USP6NL: variants seen among roughly 807,000 people sequenced by gnomAD.
USP6NL encodes the protein USP6 N-terminal-like protein.
Under a neutral mutation model 61.9 loss-of-function variants are expected in USP6NL, and 26 were observed. That is an observed-to-expected ratio of 0.42 (90% CI 0.31 to 0.58). The LOEUF is 0.58. USP6NL is among the 20% of genes least tolerant of loss of function. The pLI is 0.16. For synonymous variants in USP6NL, 432 were observed against 390.1 expected (o/e 1.11, Z -1.27); for missense variants, 1,114 against 1,034.3 (o/e 1.08, Z -1.06).
intron 2 of USP6NL, among the ~76,000 whole-genome samples, chr10:11,546,581 T>C (rs960669148): frequency 5.3e-5 from 8 of 152,068 alleles, no homozygotes; most frequent in African/African-American, 1.9e-4. Context: ...GTTGTTGTTG[T>C]TGTTGTTGTT....
At position 11,463,677 on chromosome 10, in the gene USP6NL, G is replaced by T. The variant is rs778474845; in HGVS notation, c.1251C>A (p.His417Gln). Residue 417 changes from histidine to glutamine, a missense_variant, in exon 15 of 15, where the codon CAC becomes CAA. Transcript: ENST00000609104. The surrounding 1 kb of genome is among the most constrained non-coding windows in gnomAD (Gnocchi z 6.3). ...CGGGCGTCCCGGTCCTGCTCTGGGGGTGCGGGGAGTGCTCGTGCCTCCTGT... is the reference window on the plus strand; with the variant it reads ...CGGGCGTCCCGGTCCTGCTCTGGGGTTGCGGGGAGTGCTCGTGCCTCCTGT... Reference protein sequence around the residue: ...APHRRHEHSPHPQSRTGTPER... With the variant: ...APHRRHEHSPQPQSRTGTPER... 7 of 1,613,748 alleles carry T rather than the reference G, an allele frequency of 4.3e-6. No individual in the cohort carries two copies. Among genetic ancestry groups the T allele is most frequent in the Non-Finnish European group, 5.1e-6 (6 of 1,179,830 alleles).
At chr10:11,554,135 A>G in intron 2 of USP6NL, among the ~76,000 whole-genome samples, 1 of 152,176 alleles carries the variant, frequency 6.6e-6, no homozygotes, top group East Asian at 1.9e-4. Context: ...AGAAGGAGTG[A>G]AGGAAGGTGG....
chr10:11,545,360 A>ACTT (rs1836233759), intron 2 of USP6NL, among the ~76,000 whole-genome samples: 2 of 152,154 alleles, frequency 1.3e-5, no homozygotes, highest in South Asian at 4.1e-4. Context: ...AAGAGCTAAT[A>ACTT]CTTCTCTCCT....
At chr10:11,588,132 T>C (rs1838038967) in intron 2 of USP6NL, among the ~76,000 whole-genome samples, 1 of 152,238 alleles carries the variant, frequency 6.6e-6, no homozygotes, top group Non-Finnish European at 1.5e-5. Flanking sequence ...ACAGCTGGTC[T>C]GTTGTCTTCA....
Position 11,499,824 on chromosome 10 carries a change from C to T in USP6NL, c.384+1277G>A, listed in dbSNP as rs1834099662. On this transcript the variant is annotated intron_variant, in intron 7 of 14. Coordinates refer to ENST00000609104, the MANE Select transcript of USP6NL (RefSeq NM_014688.5). The surrounding 1 kb of genome is among the most constrained non-coding windows in gnomAD (Gnocchi z 4.5). Reference sequence around the variant, plus strand: ...GAGAGAGAGTTCTGTTGTTTTGAGCCGCTTAGTTTGTGGTACTTGGTTACA... The same window carrying T: ...GAGAGAGAGTTCTGTTGTTTTGAGCTGCTTAGTTTGTGGTACTTGGTTACA... Among the ~76,000 whole-genome samples, 1 of 152,090 alleles carries T rather than the reference C, an allele frequency of 6.6e-6. No homozygotes were observed. The highest frequency in any genetic ancestry group is 6.6e-5 in the Admixed American group (1 of 15,266).
rs1473456218 is a variant in USP6NL, at chr10:11,495,371, A to G, written c.385-2143T>C. Among the ~76,000 whole-genome samples the G allele has an allele frequency of 1.3e-5, 2 of 152,196 alleles. No individual in the cohort carries two copies. Among genetic ancestry groups the G allele is most frequent in the Non-Finnish European group, 2.9e-5 (2 of 68,034 alleles). On this transcript the variant is annotated intron_variant, in intron 7 of 14. Coordinates refer to ENST00000609104, the MANE Select transcript of USP6NL (RefSeq NM_014688.5). This position sits in a 1 kb window ranked among gnomAD's most constrained non-coding sequence, Gnocchi z 4.6. ...AACTATTCTTGTTTTATATTTTATT[A>G]TACTGGAACAGCTCGTGTCCTCGGT...
intron 2 of USP6NL, among the ~76,000 whole-genome samples, chr10:11,578,645 T>G (rs1837637965): frequency 6.6e-6 from 1 of 152,210 alleles, no homozygotes; most frequent in South Asian, 2.1e-4. Flanking sequence ...TTTAAAATTT[T>G]TAAAGAATTC....
chr10:11,497,128 G>A (rs570023590), intron 7 of USP6NL, among the ~76,000 whole-genome samples: 2 of 146,952 alleles, frequency 1.4e-5, no homozygotes, highest in South Asian at 2.1e-4. Context: ...TAATGGGCAA[G>A]GCCGGGCACA....
intron 2 of USP6NL, among the ~76,000 whole-genome samples, chr10:11,584,044 A>C (rs1414745566): frequency 6.6e-6 from 1 of 152,002 alleles, no homozygotes; most frequent in African/African-American, 2.4e-5. Context: ...AAGAAAAGGA[A>C]AAAAAGGCAT....
chr10:11,581,434 C>G (rs1352533030), intron 2 of USP6NL, among the ~76,000 whole-genome samples: 1 of 152,238 alleles, frequency 6.6e-6, no homozygotes, highest in Non-Finnish European at 1.5e-5. Context: ...CGAATAACAA[C>G]CCAGCATCTT....
chr10:11,526,611 T>A (rs1835431025), intron 3 of USP6NL, among the ~76,000 whole-genome samples: 1 of 152,238 alleles, frequency 6.6e-6, no homozygotes, highest in Non-Finnish European at 1.5e-5. Context: ...AAGCTGAGCA[T>A]CACCTGTATG....
intron 2 of USP6NL, among the ~76,000 whole-genome samples, chr10:11,573,214 C>T (rs549846892): frequency 1.3e-5 from 2 of 152,198 alleles, no homozygotes; most frequent in South Asian, 4.2e-4. Flanking sequence ...CAGGCAGAAT[C>T]CTAGCTTGTT....
Position 11,499,183 on chromosome 10 carries a change from G to C in USP6NL, c.384+1918C>G, listed in dbSNP as rs988698567. On this transcript the variant is annotated intron_variant, in intron 7 of 14. Transcript: ENST00000609104. The surrounding 1 kb of genome is among the most constrained non-coding windows in gnomAD (Gnocchi z 4.5). ...TTCGTGGAGGATGTGTGGAGAGAGA[G>C]AGAAAGAGTGGATGAGAAAGGAAAA... 6.6e-6 allele frequency among the ~76,000 whole-genome samples: 1 copy of C among 152,178 alleles called. No individual in the cohort carries two copies. Among genetic ancestry groups the C allele is most frequent in the Non-Finnish European group, 1.5e-5 (1 of 68,032 alleles).
chr10:11,597,558 GT>G lies in USP6NL; in HGVS notation c.4+72del. On this transcript the variant is annotated intron_variant, in intron 2 of 14. Coordinates refer to ENST00000609104, the MANE Select transcript of USP6NL (RefSeq NM_014688.5). This position sits in a 1 kb window ranked among gnomAD's most constrained non-coding sequence, Gnocchi z 4.6. ...ATAATTCCAATTTATTCAGTAACAT[GT>G]TTTTCTTCTCCTAAGCACAATACAG... The G allele has an allele frequency of 6.8e-7, 1 of 1,470,804 alleles. No homozygotes were observed. The highest frequency in any genetic ancestry group is 9.3e-7 in the Non-Finnish European group (1 of 1,073,524). The allele number at this position is 1,470,804 out of a possible 1,614,324, so 91.1% of individuals were successfully genotyped here. A position where few individuals can be genotyped will look rare whatever the true frequency, so the allele number is the denominator to read the frequency against.
intron 1 of USP6NL, among the ~76,000 whole-genome samples, chr10:11,608,650 TC>T (rs1389853881): frequency 1.3e-5 from 2 of 152,128 alleles, no homozygotes; most frequent in African/African-American, 4.8e-5. Context: ...GTTTTATAGC[TC>T]CCTGTACTTC....
Position 11,495,253 on chromosome 10 carries a change from GGATT to G in USP6NL, c.385-2029_385-2026del, listed in dbSNP as rs1330330423. Among the ~76,000 whole-genome samples the G allele has an allele frequency of 6.6e-6, 1 of 152,052 alleles. No individual in the cohort carries two copies. ...TTCCTAGGTTATGATTATAGAGCGA[GGATT>G]ATTATAATATTGGAATATAGAGTAA... On this transcript the variant is annotated intron_variant, in intron 7 of 14. Coordinates refer to ENST00000609104, the MANE Select transcript of USP6NL (RefSeq NM_014688.5). This position sits in a 1 kb window ranked among gnomAD's most constrained non-coding sequence, Gnocchi z 4.6.
At position 11,485,993 on chromosome 10, in the gene USP6NL, G is replaced by A. The variant is rs1833451580; in HGVS notation, c.665-82C>T. On this transcript the variant is annotated intron_variant, in intron 10 of 14. Coordinates refer to ENST00000609104, the MANE Select transcript of USP6NL (RefSeq NM_014688.5). This position sits in a 1 kb window ranked among gnomAD's most constrained non-coding sequence, Gnocchi z 4.8. ...TCTTAAAACACAACATATTTCATTT[G>A]TAACTGTCAAAAATAAAAAGAAACA... The A allele has an allele frequency of 2.1e-6, 2 of 975,590 alleles. No individual in the cohort carries two copies. Among genetic ancestry groups the A allele is most frequent in the African/African-American group, 3.4e-5 (2 of 58,998 alleles). The allele number at this position is 975,590 out of a possible 1,614,324, so 60.4% of individuals were successfully genotyped here.
At position 11,611,009 on chromosome 10, in the gene USP6NL, CCAAA is replaced by C. The variant is rs769692914; in HGVS notation, c.-84+430_-84+433del. Among the ~76,000 whole-genome samples the C allele has an allele frequency of 4.8e-4, 73 of 152,266 alleles. No individual in the cohort carries two copies. Among genetic ancestry groups the C allele is most frequent in the Middle Eastern group, 3.4e-3 (1 of 294 alleles). ...TCGCCCCATCCTCCCCTCGCCTGGT[CCAAA>C]CAAAGTTCCGCGGCATCAAGGCAGT... On this transcript the variant is annotated intron_variant, in intron 1 of 14. Transcript: ENST00000609104. This position sits in a 1 kb window ranked among gnomAD's most constrained non-coding sequence, Gnocchi z 5.3.
At chr10:11,501,333 C>T in intron 6 of USP6NL, 125 bp from the exon 7 acceptor site, 2 of 704,206 alleles carry the variant, frequency 2.8e-6, no homozygotes, top group Non-Finnish European at 4.6e-6. Flanking sequence ...TTAATTAATA[C>T]ATTTCAACAT....
Sources: allele counts gnomAD v4.1 joint callset (sites outside exome capture counted in the v4.1 genomes callset), GRCh38; gene constraint gnomAD v4.1.1; non-coding constraint Gnocchi (gnomAD v3.1); transcripts MANE v1.5; gene names NCBI Gene and HGNC (gene_info 2026-07-23, HGNC 2026-07-21).